ASIC2: variants seen among roughly 807,000 people sequenced by gnomAD.
ASIC2 encodes acid-sensing ion channel 2.
Under a neutral mutation model 57.3 loss-of-function variants are expected in ASIC2, and 25 were observed. The ratio of observed to expected loss-of-function variants is 0.44; its 90% CI spans 0.32 to 0.61. ASIC2 has a LOEUF of 0.61. Ranked by LOEUF, ASIC2 falls within the 20% of genes least tolerant of loss-of-function variation. The pLI, the probability that ASIC2 is intolerant of heterozygous loss-of-function variation, is 0.06. For missense variants in ASIC2, 641 were observed against 738.1 expected (o/e 0.87, Z 1.52); for synonymous variants, 319 against 307.5 (o/e 1.04, Z -0.39).
chr17:33,939,229 T>C (rs1403777413), intron 1 of ASIC2, among the ~76,000 whole-genome samples: 3 of 152,242 alleles, frequency 2.0e-5, no homozygotes, highest in Non-Finnish European at 2.9e-5. Flanking sequence ...TGCCTCATAT[T>C]CAATATAGAG....
rs141054977 is a variant in ASIC2, at chr17:33,015,957, T to A, written c.1590+14A>T. 6.2e-7 allele frequency: 1 copy of A among 1,611,502 alleles called. No homozygotes were observed. Among genetic ancestry groups the A allele is most frequent in the African/African-American group, 1.3e-5 (1 of 74,900 alleles). ...GAGCAGCAGAACAACTTCCAATCAG[T>A]GAGCTGCTCTTACCACATTCTCATC... On this transcript the variant is annotated intron_variant, in intron 9 of 9. Coordinates refer to ENST00000225823, the MANE Select transcript of ASIC2 (RefSeq NM_183377.2).
intron 1 of ASIC2, among the ~76,000 whole-genome samples, chr17:33,733,215 G>A (rs888465357): frequency 5.9e-5 from 9 of 152,152 alleles, no homozygotes; most frequent in East Asian, 1.9e-4. Context: ...CAAGAGAGAC[G>A]GATGCTCCAG....
At chr17:33,899,938 G>C (rs528433564) in intron 1 of ASIC2, among the ~76,000 whole-genome samples, 2 of 152,332 alleles carry the variant, frequency 1.3e-5, no homozygotes, top group South Asian at 4.1e-4. Context: ...AAGCAGCCCT[G>C]ATAGGTGATT....
Position 33,142,430 on chromosome 17 carries a change from C to T in ASIC2, c.709-30363G>A, listed in dbSNP as rs75776241. On this transcript the variant is annotated intron_variant, in intron 1 of 9. Coordinates refer to ENST00000225823, the MANE Select transcript of ASIC2 (RefSeq NM_183377.2). Reference sequence around the variant, plus strand: ...AGCTGCTTCTGAACATTTATAGATCCCTTCTCTGTCTTCAAAGGATAGCTG... The same window carrying T: ...AGCTGCTTCTGAACATTTATAGATCTCTTCTCTGTCTTCAAAGGATAGCTG... 4.4e-3 allele frequency among the ~76,000 whole-genome samples: 669 copies of T among 152,252 alleles called. 3 individuals carry two copies. The highest frequency in any genetic ancestry group is 0.036 in the East Asian group (189 of 5,186).
At chr17:33,953,125 C>A (rs1020287895) in intron 1 of ASIC2, among the ~76,000 whole-genome samples, 16 of 151,858 alleles carry the variant, frequency 1.1e-4, no homozygotes, top group Non-Finnish European at 1.0e-4. Context: ...CATCTACATA[C>A]AATGCATTTA....
intron 1 of ASIC2, among the ~76,000 whole-genome samples, chr17:33,605,580 C>T (rs540356609): frequency 6.6e-6 from 1 of 152,238 alleles, no homozygotes; most frequent in African/African-American, 2.4e-5. Context: ...TGCTGCTAAA[C>T]TGGTATTCCA....
intron 1 of ASIC2, among the ~76,000 whole-genome samples, chr17:33,322,348 G>A (rs1213297091): frequency 1.3e-5 from 2 of 152,166 alleles, no homozygotes; most frequent in African/African-American, 4.8e-5. Context: ...CCAGCCGAAT[G>A]AGAGCCTTGT....
At chr17:33,954,722 T>C (rs531885171) in intron 1 of ASIC2, among the ~76,000 whole-genome samples, 1 of 152,298 alleles carries the variant, frequency 6.6e-6, no homozygotes, top group Admixed American at 6.5e-5. Flanking sequence ...TTTGTCTGAG[T>C]CTATTTGAGA....
intron 1 of ASIC2, among the ~76,000 whole-genome samples, chr17:34,034,962 C>T (rs1597985241): frequency 1.3e-5 from 2 of 151,868 alleles, no homozygotes; most frequent in Non-Finnish European, 2.9e-5. Flanking sequence ...GATTCAATGC[C>T]ATCCCCATCA....
chr17:33,938,841 TG>T (rs1213585471), intron 1 of ASIC2, among the ~76,000 whole-genome samples: 1 of 152,242 alleles, frequency 6.6e-6, no homozygotes, highest in Non-Finnish European at 1.5e-5. Flanking sequence ...TCTGGGAGGC[TG>T]GGGTCTTTAC....
At chr17:33,315,141 C>T (rs1206779769) in intron 1 of ASIC2, among the ~76,000 whole-genome samples, 2 of 152,136 alleles carry the variant, frequency 1.3e-5, no homozygotes, top group African/African-American at 4.8e-5. Flanking sequence ...ACACAAACTA[C>T]CTTGCATATT....
At chr17:33,512,131 T>G (rs1177104687) in intron 1 of ASIC2, among the ~76,000 whole-genome samples, 1 of 152,188 alleles carries the variant, frequency 6.6e-6, no homozygotes, top group Non-Finnish European at 1.5e-5. Flanking sequence ...CATATCACTT[T>G]TCTTCAAACA....
intron 1 of ASIC2, among the ~76,000 whole-genome samples, chr17:34,079,850 T>G (rs1266651857): frequency 6.6e-6 from 1 of 152,168 alleles, no homozygotes; most frequent in African/African-American, 2.4e-5. Context: ...CATCAACGAT[T>G]TGGGAGATGG....
chr17:34,010,089 CA>C (rs1906660047), intron 1 of ASIC2, among the ~76,000 whole-genome samples: 2 of 152,160 alleles, frequency 1.3e-5, no homozygotes, highest in South Asian at 4.1e-4. Flanking sequence ...ACCAGAGTAT[CA>C]GGGGAGGCTC....
chr17:33,408,383 AG>A (rs1388006408), intron 1 of ASIC2, among the ~76,000 whole-genome samples: 3 of 152,116 alleles, frequency 2.0e-5, no homozygotes, highest in Non-Finnish European at 4.4e-5. Context: ...GGTAGTGGGG[AG>A]GGCAGGATAC....
At chr17:33,595,835 C>T (rs942904684) in intron 1 of ASIC2, among the ~76,000 whole-genome samples, 2 of 152,180 alleles carry the variant, frequency 1.3e-5, no homozygotes, top group African/African-American at 2.4e-5. Flanking sequence ...CCAGAGAAAC[C>T]CAATGGGCCT....
intron 1 of ASIC2, among the ~76,000 whole-genome samples, chr17:34,099,327 A>G (rs1382313603): frequency 2.0e-5 from 3 of 148,256 alleles, no homozygotes; most frequent in East Asian, 2.0e-4. Context: ...GGAAAGAAAG[A>G]AGGGAGGGAA....
intron 1 of ASIC2, chr17:33,932,803 G>A (rs2141972881): frequency 7.0e-6 from 1 of 142,202 alleles, no homozygotes; most frequent in Admixed American, 7.3e-5. Context: ...TTTAAAATAT[G>A]GTCACTGGAA....
At chr17:33,519,469 C>G (rs950099628) in intron 1 of ASIC2, among the ~76,000 whole-genome samples, 3 of 152,182 alleles carry the variant, frequency 2.0e-5, no homozygotes, top group African/African-American at 7.2e-5. Context: ...GCTTTGCAAA[C>G]ACATGCACCT....
Sources: gnomAD v4.1 joint callset for allele counts (sites outside exome capture counted in the v4.1 genomes callset) on GRCh38, gnomAD v4.1.1 for gene constraint, MANE v1.5 for transcripts, NCBI Gene and HGNC (gene_info 2026-07-23, HGNC 2026-07-21) for gene names.